Variants in XRN1 observed in about 807,000 individuals in gnomAD.
XRN1 encodes strand-exchange protein 1 homolog.
In XRN1, 67 loss-of-function variants were observed where a neutral mutation model predicts 222.3. The ratio of observed to expected loss-of-function variants is 0.30; its 90% confidence interval spans 0.25 to 0.37. XRN1 has a LOEUF of 0.37. Among genes scored for constraint, XRN1 ranks in the 10% least tolerant of loss-of-function variants. The pLI is 1.00. For synonymous variants in XRN1, 643 were observed against 652.4 expected (o/e 0.99, Z 0.22); for missense variants, 1,707 against 2,000.2 (o/e 0.85, Z 2.80).
chr3:142,423,091 G>T (rs188795745), intron 6 of XRN1, among the ~76,000 whole-genome samples, 169 bp from the exon 7 acceptor site: 5 of 152,250 alleles, frequency 3.3e-5, no homozygotes, highest in Admixed American at 2.6e-4. Flanking sequence ...AAATACAATT[G>T]CAATAATAGA....
At chr3:142,360,527 A>T (rs936321386) in intron 29 of XRN1, among the ~76,000 whole-genome samples, 1 of 152,016 alleles carries the variant, frequency 6.6e-6, no homozygotes, top group African/African-American at 2.4e-5. Context: ...GTTAAAAGTG[A>T]AAACTGCTGA....
At chr3:142,359,814 C>A in intron 30 of XRN1, 48 bp downstream of exon 30, 1 of 1,376,210 alleles carries the variant, frequency 7.3e-7, no homozygotes, top group Admixed American at 2.0e-5. Context: ...AAGTCACTGG[C>A]CACATGAACA....
chr3:142,426,906 C>T (rs1002122758), intron 2 of XRN1, 65 bp from the exon 3 acceptor site: 4 of 1,306,628 alleles, frequency 3.1e-6, no homozygotes, highest in Middle Eastern at 1.8e-4. Flanking sequence ...TTTATATAAA[C>T]TGCTATGTAG....
rs758760402 is a variant in XRN1, at chr3:142,312,607, T to A, written c.4773A>T (p.Ile1591=). The change falls in exon 40 of 41, where the codon ATA becomes ATT. Residue 1591 remains isoleucine, a synonymous_variant. Transcript: ENST00000392981. The part of the protein sequence containing the change: ...GIPGGVHNQF[I]PLQVTKKRVA... ...ATATTATTTTTCTTACCTGCAGAGG[T>A]ATAAACTGATTGTGCACACCCCCTG... is the stretch of plus-strand genomic sequence containing the variant. The A allele has an allele frequency of 3.7e-6, 6 of 1,606,216 alleles. No homozygotes were observed. Among genetic ancestry groups the A allele is most frequent in the Non-Finnish European group, 5.1e-6 (6 of 1,176,520 alleles).
intron 40 of XRN1, among the ~76,000 whole-genome samples, 181 bp downstream of exon 40, chr3:142,312,417 T>C (rs1173001493): frequency 6.6e-6 from 1 of 152,210 alleles, no homozygotes; most frequent in African/African-American, 2.4e-5. Flanking sequence ...AATTATTGTT[T>C]ATTAGAACAC....
Position 142,447,982 on chromosome 3 carries a change from G to A in XRN1, c.-38C>T, listed in dbSNP as rs1192377265. ...CACTAATCCCAGTCAGGGCCAAACC[G>A]AAACCAAACGCCCCGCCGGGGCTCC... On this transcript the variant is annotated 5_prime_UTR_variant, in exon 1 of 41. Coordinates refer to ENST00000392981, the MANE Select transcript of XRN1 (RefSeq NM_001282857.2). This position sits in a 1 kb window ranked among gnomAD's most constrained non-coding sequence, Gnocchi z 4.2. 4.4e-6 allele frequency: 7 copies of A among 1,602,730 alleles called. No individual in the cohort carries two copies. Among genetic ancestry groups the A allele is most frequent in the Non-Finnish European group, 6.0e-6 (7 of 1,172,902 alleles).
intron 36 of XRN1, 55 bp downstream of exon 36, chr3:142,332,320 A>G (rs2065722152): frequency 7.7e-7 from 1 of 1,292,704 alleles, no homozygotes; most frequent in Admixed American, 2.2e-5. Context: ...AAAAAGAACC[A>G]AATGAATTGA....
At chr3:142,337,217 C>A (rs184466573) in intron 33 of XRN1, among the ~76,000 whole-genome samples, 9 of 152,264 alleles carry the variant, frequency 5.9e-5, no homozygotes, top group Admixed American at 2.0e-4. Context: ...GCTGGAATCT[C>A]ATCTCCTCAG....
chr3:142,406,718 G>T (rs1408213293), intron 15 of XRN1, among the ~76,000 whole-genome samples: 1 of 150,618 alleles, frequency 6.6e-6, no homozygotes, highest in Non-Finnish European at 1.5e-5. Flanking sequence ...GGTAGAGGTT[G>T]GGTCTTGCTG....
Position 142,418,557 on chromosome 3 carries a change from T to C in XRN1, c.1293A>G (p.Arg431=), listed in dbSNP as rs377101228. 4.3e-6 allele frequency: 7 copies of C among 1,611,598 alleles called. No homozygotes were observed. Among genetic ancestry groups the C allele is most frequent in the Admixed American group, 1.7e-5 (1 of 59,582 alleles). The change falls in exon 12 of 41, where the codon AGA becomes AGG. Residue 431 remains arginine (R), a synonymous_variant. Transcript: ENST00000392981. Reference sequence around the variant, plus strand: ...TCATGTAATATGTTCTTTTATATTGTCTAAACTCAGTTTCAAATAGGTCAT... The same window carrying C: ...TCATGTAATATGTTCTTTTATATTGCCTAAACTCAGTTTCAAATAGGTCAT... ...EDDDLFETEF[R]QYKRTYYMTK...
chr3:142,373,224 T>G (rs2107898289), intron 25 of XRN1, among the ~76,000 whole-genome samples: 1 of 152,132 alleles, frequency 6.6e-6, no homozygotes, highest in Admixed American at 6.5e-5. Flanking sequence ...GGACACACTT[T>G]TAGAAATTAA....
rs187675186 is a variant in XRN1, at chr3:142,355,807, C to T, written c.3673-311G>A. Among the ~76,000 whole-genome samples the T allele has an allele frequency of 1.6e-4, 25 of 151,756 alleles. No individual in the cohort carries two copies. In the East Asian group the frequency reaches 3.5e-3, roughly 21 times the overall value. On this transcript the variant is annotated intron_variant, in intron 31 of 40. Coordinates refer to ENST00000392981, the MANE Select transcript of XRN1 (RefSeq NM_001282857.2). ...TTTTTTTCTTCTAGGGATGGGTTGC[C>T]ATGTTTTGCTGTGTTGCCCAGGCTG... is the stretch of plus-strand genomic sequence containing the variant.
chr3:142,426,996 A>G (rs1019570257), intron 2 of XRN1, among the ~76,000 whole-genome samples, 155 bp from the exon 3 acceptor site: 3 of 152,228 alleles, frequency 2.0e-5, no homozygotes, highest in African/African-American at 7.2e-5. Context: ...TGATTGATAA[A>G]AATGAGCCCC....
rs200271345 is a variant in XRN1, at chr3:142,328,948, G to A, written c.4404+486C>T. Among the ~76,000 whole-genome samples the A allele has an allele frequency of 1.7e-4, 25 of 150,774 alleles. No homozygotes were observed. The East Asian group carries it at 4.3e-3, about 26-fold the overall frequency. On this transcript the variant is annotated intron_variant, in intron 37 of 40. Coordinates refer to ENST00000392981, the MANE Select transcript of XRN1 (RefSeq NM_001282857.2). Reference sequence around the variant, plus strand: ...TATTTTTATATTCTTTTGTAGAGATGAGGTCTTGCTATGTTGCCCAGGCTG... The same window carrying A: ...TATTTTTATATTCTTTTGTAGAGATAAGGTCTTGCTATGTTGCCCAGGCTG...
chr3:142,443,344 G>A (rs2070332901), intron 1 of XRN1, among the ~76,000 whole-genome samples: 1 of 152,190 alleles, frequency 6.6e-6, no homozygotes, highest in South Asian at 2.1e-4. Context: ...GACAGGACTA[G>A]CTACATTTCC....
rs1223545973 is a variant in XRN1 at position 142,417,192 on chromosome 3, C to T, written c.1384G>A (p.Ala462Thr). 6.2e-7 allele frequency: 1 copy of T among 1,613,694 alleles called. No homozygotes were observed. The change falls in exon 13 of 41, where the codon GCA (alanine) becomes ACA (threonine). Residue 462 changes from alanine (A) to threonine (T), a missense_variant. Around this residue, in one of 2 missense-constraint regions of XRN1, gnomAD observed 1,234 missense variants for 1,518.2 expected, o/e 0.81. Transcript: ENST00000392981. ...LADQAACYVQ[A>T]IQWILHYYYH... ...TAATAGTGCAAAATCCACTGTATTG[C>T]CTGAACATAACATGCAGCTTGATCA...
At chr3:142,426,300 A>C (rs931075561) in intron 3 of XRN1, among the ~76,000 whole-genome samples, 3 of 152,204 alleles carry the variant, frequency 2.0e-5, no homozygotes, top group African/African-American at 7.2e-5. Flanking sequence ...TAAAGTCATA[A>C]AAATCTTAAC....
intron 37 of XRN1, among the ~76,000 whole-genome samples, chr3:142,327,530 TA>T (rs1326128209): frequency 1.0e-3 from 148 of 145,482 alleles, no homozygotes; most frequent in African/African-American, 1.1e-3. Flanking sequence ...GCTTATCTTT[TA>T]AAAAAAAAAA....
At chr3:142,396,945 G>A (rs1461502850) in intron 20 of XRN1, among the ~76,000 whole-genome samples, 3 of 152,072 alleles carry the variant, frequency 2.0e-5, no homozygotes, top group African/African-American at 7.2e-5. Context: ...AAGGGAATGG[G>A]GAACGGGAGA....
Sources: allele counts gnomAD v4.1 joint callset (sites outside exome capture counted in the v4.1 genomes callset), GRCh38; gene constraint gnomAD v4.1.1; regional missense constraint gnomAD v4.1.1; non-coding constraint Gnocchi (gnomAD v3.1); transcripts MANE v1.5; gene names NCBI Gene and HGNC (gene_info 2026-07-23, HGNC 2026-07-21).